LRRC1: variants seen among roughly 807,000 people sequenced by gnomAD.
LRRC1 encodes leucine-rich repeat-containing protein 1.
LRRC1 carries 28 observed loss-of-function variants against 69.9 expected under a neutral mutation model. The ratio of observed to expected loss-of-function variants is 0.40; its 90% CI spans 0.30 to 0.55. The LOEUF (loss-of-function observed/expected upper bound fraction) is 0.55. LRRC1 is among the 20% of genes least tolerant of loss of function. LRRC1 has a pLI of 0.47. For synonymous variants in LRRC1, 236 were observed against 240.2 expected (o/e 0.98, Z 0.16); for missense variants, 498 against 609.0 (o/e 0.82, Z 1.92).
chr6:53,851,183 C>CACACACAA (rs1254340517), intron 2 of LRRC1, among the ~76,000 whole-genome samples: 1 of 120,686 alleles, frequency 8.3e-6, no homozygotes, highest in Non-Finnish European at 1.8e-5. Context: ...GACACACACA[C>CACACACAA]ACACACACAC....
chr6:53,827,026 G>T (rs1765286366), intron 1 of LRRC1, among the ~76,000 whole-genome samples: 1 of 152,086 alleles, frequency 6.6e-6, no homozygotes, highest in African/African-American at 2.4e-5. Flanking sequence ...TCCAAAACCT[G>T]GCTTGATCAT....
rs3202853 is a variant in LRRC1, at chr6:53,923,125, G to A, written c.*332G>A. 3.0e-3 allele frequency: 576 copies of A among 190,964 alleles called. 3 individuals are homozygous for A. The highest frequency in any genetic ancestry group is 0.012 in the African/African-American group (518 of 43,074). The allele number at this position is 190,964 out of a possible 1,614,324, so 11.8% of individuals were successfully genotyped here. ...GGGAATTTTTATCCTCCTCCCTTCC[G>A]TAAAGTGCTGGGATATTTTGAATCC... On this transcript the variant is annotated 3_prime_UTR_variant, in exon 14 of 14. Coordinates refer to ENST00000370888, the MANE Select transcript of LRRC1 (RefSeq NM_018214.5).
chr6:53,884,784 C>T (rs560153311), intron 4 of LRRC1, among the ~76,000 whole-genome samples: 1 of 152,264 alleles, frequency 6.6e-6, no homozygotes, highest in African/African-American at 2.4e-5. Context: ...TCACCCTCTA[C>T]TGTACTATTT....
chr6:53,836,362 T>TA (rs1765613448), intron 1 of LRRC1, among the ~76,000 whole-genome samples: 1 of 152,338 alleles, frequency 6.6e-6, no homozygotes, highest in Admixed American at 6.5e-5. Context: ...TATGCGTAGG[T>TA]ATCAGTATTG....
chr6:53,851,209 A>AAT (rs5876342), intron 2 of LRRC1, among the ~76,000 whole-genome samples: 69,190 of 134,036 alleles, frequency 0.52, 16,289 homozygotes, highest in Middle Eastern at 0.59. Flanking sequence ...CACACACGTG[A>AAT]ATATATATAT....
At chr6:53,897,243 ATTGAATC>A in intron 6 of LRRC1, 35 bp from the exon 7 acceptor site, 1 of 1,352,402 alleles carries the variant, frequency 7.4e-7, no homozygotes, top group Non-Finnish European at 1.0e-6. Context: ...AAGACTGAAA[ATTGAATC>A]TTTGTTACCG....
At chr6:53,844,090 G>A (rs1461566371) in intron 2 of LRRC1, among the ~76,000 whole-genome samples, 1 of 152,104 alleles carries the variant, frequency 6.6e-6, no homozygotes, top group Non-Finnish European at 1.5e-5. Context: ...TTACACTGGA[G>A]TATGGGGTGG....
At chr6:53,897,490 ATTTGG>A in intron 7 of LRRC1, 131 bp downstream of exon 7, 1 of 611,360 alleles carries the variant, frequency 1.6e-6, no homozygotes, top group Admixed American at 3.3e-5. Flanking sequence ...GAAAAGGCAC[ATTTGG>A]AAAAAACATA....
At chr6:53,815,746 T>C (rs6458962) in intron 1 of LRRC1, among the ~76,000 whole-genome samples, 125,599 of 152,238 alleles carry the variant, frequency 0.83, 52,021 homozygotes, top group East Asian at 0.92. Flanking sequence ...TTGTGAAGAG[T>C]TCACTGTACA....
At chr6:53,835,396 CT>C (rs1202991288) in intron 1 of LRRC1, among the ~76,000 whole-genome samples, 14 of 152,176 alleles carry the variant, frequency 9.2e-5, no homozygotes, top group Admixed American at 9.2e-4. Context: ...ACAAAGAGCC[CT>C]TTATCATTTA....
intron 2 of LRRC1, among the ~76,000 whole-genome samples, chr6:53,848,388 A>G (rs1766015422): frequency 2.0e-5 from 3 of 152,240 alleles, no homozygotes; most frequent in Admixed American, 2.0e-4. Context: ...GGCTTCTGTG[A>G]TGTTTTCTAA....
chr6:53,840,770 T>G (rs1462936266), intron 1 of LRRC1, among the ~76,000 whole-genome samples: 1 of 152,148 alleles, frequency 6.6e-6, no homozygotes, highest in Admixed American at 6.5e-5. Context: ...TTTTATGGTG[T>G]TATGTTGCTT....
In LRRC1 at chr6:53,898,889, A is replaced by G. The variant is rs9474676; in HGVS notation, c.643-858A>G. ...ACTCATGTAGACATCAGGGAGCCACAAGATGTTTTTTGAAAAGAAGGTGGT... is the reference window on the plus strand; with the variant it reads ...ACTCATGTAGACATCAGGGAGCCACGAGATGTTTTTTGAAAAGAAGGTGGT... On this transcript the variant is annotated intron_variant, in intron 7 of 13. Coordinates refer to ENST00000370888, the MANE Select transcript of LRRC1 (RefSeq NM_018214.5). 4.6e-3 allele frequency among the ~76,000 whole-genome samples: 708 copies of G among 152,340 alleles called. 11 individuals are homozygous for G. The highest frequency in any genetic ancestry group is 0.041 in the East Asian group (211 of 5,190).
rs1768776431 is a variant in LRRC1 at position 53,922,748 on chromosome 6, A to G, written c.1530A>G (p.Lys510=). 6.2e-7 allele frequency: 1 copy of G among 1,613,966 alleles called. No homozygotes were observed. Among genetic ancestry groups the G allele is most frequent in the African/African-American group, 1.3e-5 (1 of 74,904 alleles). ...MNAAKGLDSN[K]NEVNHAIDRV... is the part of the protein sequence containing the mutation. ...CTGCTAAAGGACTGGACTCAAACAA[A>G]AACGAGGTCAATCATGCCATTGACC... The change falls in exon 14 of 14, where the codon AAA becomes AAG. Residue 510 remains lysine (K), a synonymous_variant. Coordinates refer to ENST00000370888, the MANE Select transcript of LRRC1 (RefSeq NM_018214.5).
chr6:53,888,944 T>C (rs983115391), intron 4 of LRRC1, among the ~76,000 whole-genome samples: 2 of 152,150 alleles, frequency 1.3e-5, no homozygotes, highest in African/African-American at 4.8e-5. Context: ...GGAAAAAATA[T>C]TTGTAAATCA....
chr6:53,821,879 GTT>G (rs34507757), intron 1 of LRRC1, among the ~76,000 whole-genome samples: 1,787 of 143,336 alleles, frequency 0.012, 19 homozygotes, highest in East Asian at 0.042. Context: ...AGTAATGCTA[GTT>G]TTTTTTTTTT....
chr6:53,911,135 C>G (rs1424406394), intron 10 of LRRC1, among the ~76,000 whole-genome samples: 1 of 152,154 alleles, frequency 6.6e-6, no homozygotes, highest in African/African-American at 2.4e-5. Flanking sequence ...TACGCAATTG[C>G]TTTCCACCCC....
chr6:53,911,709 A>G (rs1768416183), intron 10 of LRRC1, among the ~76,000 whole-genome samples: 1 of 152,238 alleles, frequency 6.6e-6, no homozygotes, highest in South Asian at 2.1e-4. Context: ...CACCTGGAGC[A>G]GGGATGCGGC....
intron 2 of LRRC1, among the ~76,000 whole-genome samples, chr6:53,866,764 G>T (rs977291535): frequency 3.3e-5 from 5 of 152,070 alleles, no homozygotes; most frequent in African/African-American, 1.2e-4. Flanking sequence ...TCATACTAAA[G>T]AATTAAATAG....
Sources: allele counts gnomAD v4.1 joint callset (sites outside exome capture counted in the v4.1 genomes callset), GRCh38; gene constraint gnomAD v4.1.1; transcripts MANE v1.5; gene names NCBI Gene and HGNC (gene_info 2026-07-23, HGNC 2026-07-21).